Variants in RNLS observed in about 807,000 individuals in gnomAD.
RNLS encodes the protein renalase.
In RNLS, 39 loss-of-function variants were observed where a neutral mutation model predicts 39.8. That is an observed-to-expected ratio of 0.98 (90% CI 0.76 to 1.28). The LOEUF (loss-of-function observed/expected upper bound fraction) is 1.28, where lower values mean the gene tolerates loss of function less well. RNLS is among the 50% of genes most tolerant of loss of function. RNLS has a pLI of 0.00. For synonymous variants in RNLS, 147 were observed against 150.7 expected (o/e 0.98, Z 0.18); for missense variants, 410 against 413.3 (o/e 0.99, Z 0.07).
intron 4 of RNLS, among the ~76,000 whole-genome samples, chr10:88,444,045 G>A (rs1445870919): frequency 2.6e-5 from 4 of 152,202 alleles, no homozygotes; most frequent in Admixed American, 6.5e-5. Flanking sequence ...TCTGAACCCC[G>A]AGTAGCCTAA....
At chr10:88,430,940 T>A (rs1239265785) in intron 4 of RNLS, among the ~76,000 whole-genome samples, 3 of 151,730 alleles carry the variant, frequency 2.0e-5, no homozygotes, top group Admixed American at 2.0e-4. Context: ...TGTAGTTCTG[T>A]TTTCTTGCAA....
intron 4 of RNLS, among the ~76,000 whole-genome samples, chr10:88,433,787 G>A (rs1378713010): frequency 6.6e-6 from 1 of 152,094 alleles, no homozygotes; most frequent in Non-Finnish European, 1.5e-5. Flanking sequence ...GATATTTAAT[G>A]CTTTCTGCCT....
chr10:88,274,004 TTGTG>T (rs1481468724), exon 7 of RNLS: 1 of 152,200 alleles, frequency 6.6e-6, no homozygotes, highest in Admixed American at 6.5e-5. Flanking sequence ...TCATATATAT[TTGTG>T]TGTGTGTATT....
intron 4 of RNLS, among the ~76,000 whole-genome samples, chr10:88,419,473 C>T (rs1002043994): frequency 6.6e-6 from 1 of 152,122 alleles, no homozygotes; most frequent in Non-Finnish European, 1.5e-5. Context: ...TGAGGAGAGT[C>T]GAGGAAAACA....
chr10:88,229,414 C>A, the RNLS span, among the ~76,000 whole-genome samples: 1 of 152,170 alleles, frequency 6.6e-6, no homozygotes, highest in Non-Finnish European at 1.5e-5. Context: ...AAGTAGCCAA[C>A]TTTCTTGTTT....
intron 6 of RNLS, among the ~76,000 whole-genome samples, chr10:88,296,332 C>T (rs1844097396): frequency 1.3e-5 from 2 of 152,134 alleles, no homozygotes; most frequent in African/African-American, 4.8e-5. Context: ...TCACTACTAC[C>T]TCTTCCTGCT....
chr10:88,233,737 C>T, the RNLS span, among the ~76,000 whole-genome samples: 1,811 of 152,238 alleles, frequency 0.012, 34 homozygotes, highest in African/African-American at 0.041. Context: ...CTCTGTCTTG[C>T]TGCCCAACCA....
rs760629653 is a variant in RNLS at position 88,572,997 on chromosome 10, T to C, written c.432A>G (p.Val144=). 3.2e-5 allele frequency: 51 copies of C among 1,614,076 alleles called. 1 individual carries two copies. In the East Asian group the frequency reaches 1.1e-3, roughly 35 times the overall value. The change falls in exon 4 of 7, where the codon GTA becomes GTG. Residue 144 remains valine, a synonymous_variant. Transcript: ENST00000331772. The stretch of plus-strand genomic sequence containing the variant: ...GCTCAGGGGAGCCTGTTTGTTTGGA[T>C]ACTTCCCATTTGTCATCTCTTAGGT... The part of the protein sequence containing the change: ...QINLRDDKWE[V]SKQTGSPEQF...
At chr10:88,180,267 C>T in the RNLS span, among the ~76,000 whole-genome samples, 1 of 152,176 alleles carries the variant, frequency 6.6e-6, no homozygotes, top group Non-Finnish European at 1.5e-5. Flanking sequence ...ATGGATGTTT[C>T]AGACTGCACC....
intron 4 of RNLS, among the ~76,000 whole-genome samples, chr10:88,489,037 G>A (rs1053203712): frequency 6.6e-6 from 1 of 152,066 alleles, no homozygotes; most frequent in Non-Finnish European, 1.5e-5. Flanking sequence ...GTCTTACCTC[G>A]AAATTCAAGC....
At chr10:88,540,804 A>T (rs1847995502) in intron 4 of RNLS, among the ~76,000 whole-genome samples, 1 of 152,140 alleles carries the variant, frequency 6.6e-6, no homozygotes, top group African/African-American at 2.4e-5. Context: ...GGCATGCCAC[A>T]TATAGTAGCA....
chr10:88,179,989 G>C, the RNLS span, among the ~76,000 whole-genome samples: 2 of 152,204 alleles, frequency 1.3e-5, no homozygotes, highest in African/African-American at 4.8e-5. Context: ...GTGAATTGAA[G>C]TCAATTTGGC....
At chr10:88,354,495 T>G (rs1424492756) in intron 5 of RNLS, among the ~76,000 whole-genome samples, 1 of 152,228 alleles carries the variant, frequency 6.6e-6, no homozygotes, top group Non-Finnish European at 1.5e-5. Context: ...TGGCTGGATA[T>G]GAAATTCTGG....
the RNLS span, among the ~76,000 whole-genome samples, chr10:88,215,906 A>C: frequency 3.3e-5 from 5 of 151,828 alleles, no homozygotes; most frequent in Non-Finnish European, 7.4e-5. Flanking sequence ...TGCCATGTTC[A>C]CCAGGCTAGT....
At position 88,304,030 on chromosome 10, in the gene RNLS, G is replaced by A. The variant is rs144869177; in HGVS notation, c.876+10436C>T. Among the ~76,000 whole-genome samples, 554 of 152,296 alleles carry A rather than the reference G, an allele frequency of 3.6e-3. 12 individuals carry two copies. Among genetic ancestry groups the A allele is most frequent in the Non-Finnish European group, 3.1e-3 (214 of 68,036 alleles). ...CTTGAGGAGCCAGAGAACAAAGTTG[G>A]GGCCCACTACAAGTCTTGCAGAGTT... On this transcript the variant is annotated intron_variant, in intron 6 of 6. Transcript: ENST00000331772.
At chr10:88,351,865 C>T (rs966094736) in intron 5 of RNLS, among the ~76,000 whole-genome samples, 1 of 152,116 alleles carries the variant, frequency 6.6e-6, no homozygotes, top group Non-Finnish European at 1.5e-5. Flanking sequence ...TTGTTTGTGT[C>T]CTCTTTTATT....
intron 6 of RNLS, among the ~76,000 whole-genome samples, chr10:88,306,710 T>C (rs1844945808): frequency 6.6e-6 from 1 of 151,864 alleles, no homozygotes; most frequent in African/African-American, 2.4e-5. Context: ...CAAAAAAATC[T>C]CAGGACCAAA....
At chr10:88,490,531 T>C (rs556662845) in intron 4 of RNLS, among the ~76,000 whole-genome samples, 44 of 152,296 alleles carry the variant, frequency 2.9e-4, no homozygotes, top group African/African-American at 1.0e-3. Flanking sequence ...TGTTAGCAAA[T>C]GTAAAGCATA....
intron 4 of RNLS, among the ~76,000 whole-genome samples, chr10:88,478,235 C>T (rs1843937530): frequency 6.6e-6 from 1 of 152,178 alleles, no homozygotes; most frequent in African/African-American, 2.4e-5. Flanking sequence ...TTATTCTAAT[C>T]TCCCAAGTTT....
Sources: gnomAD v4.1 joint callset for allele counts (sites outside exome capture counted in the v4.1 genomes callset) on GRCh38, gnomAD v4.1.1 for gene constraint, MANE v1.5 for transcripts, NCBI Gene and HGNC (gene_info 2026-07-23, HGNC 2026-07-21) for gene names.